The following ATXN7L1 variants were observed in gnomAD, a reference collection of about 807,000 sequenced individuals.
ATXN7L1 encodes ataxin 7 like 1, also known as ataxin-7-like protein 1.
Under a neutral mutation model 70.8 loss-of-function variants are expected in ATXN7L1, and 15 were observed. The ratio of observed to expected loss-of-function variants is 0.21; its 90% CI spans 0.14 to 0.33. The LOEUF (loss-of-function observed/expected upper bound fraction) is 0.33. Among genes scored for constraint, ATXN7L1 ranks in the 10% least tolerant of loss-of-function variants. The probability of loss-of-function intolerance (pLI) is 1.00; values close to 1 mark genes in which losing one functional copy is unlikely to be tolerated. For missense variants in ATXN7L1, 975 were observed against 1,097.1 expected (o/e 0.89, Z 1.57); for synonymous variants, 440 against 445.1 (o/e 0.99, Z 0.14).
In ATXN7L1 at chr7:105,620,284, T is replaced by C; in HGVS notation, c.1433A>G (p.Tyr478Cys). The C allele has an allele frequency of 1.3e-6, 2 of 1,551,446 alleles. No homozygotes were observed. Among genetic ancestry groups the C allele is most frequent in the Non-Finnish European group, 1.7e-6 (2 of 1,146,842 alleles). Residue 478 changes from tyrosine to cysteine, a missense_variant, in exon 9 of 12, where the codon TAC (tyrosine) becomes TGC (cysteine). Tyr to Cys is a radical substitution (Grantham distance 194, BLOSUM62 -2). Around this residue, in one of 5 missense-constraint regions of ATXN7L1, gnomAD observed 635 missense variants for 699.4 expected, o/e 0.91. Coordinates refer to ENST00000419735, the MANE Select transcript of ATXN7L1 (RefSeq NM_020725.2). ...ATCCCATCTTCTATCAAACACATAG[T>C]ACCCTCGTCCCATGAGGCGACTCCC... ...SFGSRLMGRG[Y>C]YVFDRRWDRF...
rs759980226 is a variant in ATXN7L1 at position 105,665,143 on chromosome 7, C to T, written c.501G>A (p.Thr167=). The change falls in exon 4 of 12, where the codon ACG becomes ACA. Residue 167 remains threonine (T), a synonymous_variant. Transcript: ENST00000419735. ...SASSTSKPFK[T]PKDNLLTSSS... ...TGGAGGTAAGTAGATTGTCTTTGGG[C>T]GTTTTGAATGGCTTTGAGGTGCTGC... The T allele has an allele frequency of 2.1e-5, 33 of 1,551,536 alleles. No individual in the cohort carries two copies. The highest frequency in any genetic ancestry group is 3.6e-5 in the South Asian group (3 of 84,064).
At chr7:105,810,235 A>G (rs1808237515) in intron 2 of ATXN7L1, among the ~76,000 whole-genome samples, 1 of 152,204 alleles carries the variant, frequency 6.6e-6, no homozygotes, top group South Asian at 2.1e-4. Context: ...CTACCCTTGT[A>G]TAGTTCAGAG....
At chr7:105,785,137 C>A (rs1804104961) in intron 3 of ATXN7L1, among the ~76,000 whole-genome samples, 1 of 152,220 alleles carries the variant, frequency 6.6e-6, no homozygotes, top group Non-Finnish European at 1.5e-5. Context: ...AACATTAACA[C>A]CCATGTCACA....
At chr7:105,847,676 G>C (rs767297031) in intron 2 of ATXN7L1, among the ~76,000 whole-genome samples, 1 of 152,212 alleles carries the variant, frequency 6.6e-6, no homozygotes, top group Non-Finnish European at 1.5e-5. Context: ...CCACTTATTA[G>C]CTGTGTGATC....
At chr7:105,757,810 A>C (rs1357392228) in intron 3 of ATXN7L1, among the ~76,000 whole-genome samples, 3 of 150,718 alleles carry the variant, frequency 2.0e-5, no homozygotes, top group Non-Finnish European at 4.4e-5. Context: ...GGCTGGTCTC[A>C]AACTCTTGGG....
At chr7:105,788,492 A>G in intron 3 of ATXN7L1, 112 bp downstream of exon 3, 1 of 864,958 alleles carries the variant, frequency 1.2e-6, no homozygotes. Flanking sequence ...CTTTACCCAC[A>G]GCCTCAGGCT....
intron 3 of ATXN7L1, among the ~76,000 whole-genome samples, chr7:105,780,735 A>G (rs1039490638): frequency 6.6e-6 from 1 of 152,100 alleles, no homozygotes; most frequent in African/African-American, 2.4e-5. Flanking sequence ...TTTGAAGTGG[A>G]AAGGACTGCA....
intron 2 of ATXN7L1, among the ~76,000 whole-genome samples, chr7:105,865,683 G>C (rs1040521793): frequency 1.3e-5 from 2 of 152,314 alleles, no homozygotes; most frequent in East Asian, 1.9e-4. Context: ...TTACAGGCGT[G>C]AGCCACTGCA....
In ATXN7L1 at chr7:105,606,299, C is replaced by G. The variant is rs1042336028; in HGVS notation, c.*1553G>C. 4 of 152,180 alleles carry G rather than the reference C, an allele frequency of 2.6e-5. No individual in the cohort carries two copies. Among genetic ancestry groups the G allele is most frequent in the Non-Finnish European group, 5.9e-5 (4 of 68,040 alleles). 9.4% of individuals were successfully genotyped at this position (152,180 alleles called of 1,614,324 possible). A position where few individuals can be genotyped will look rare whatever the true frequency, so the allele number is the denominator to read the frequency against. On this transcript the variant is annotated 3_prime_UTR_variant, in exon 12 of 12. Coordinates refer to ENST00000419735, the MANE Select transcript of ATXN7L1 (RefSeq NM_020725.2). ...TGCAATTCCATTGATGAAAATCACT[C>G]CATTTGCCTCCCGTCTTTGCAATTC...
At chr7:105,632,458 G>C (rs566692690) in intron 7 of ATXN7L1, among the ~76,000 whole-genome samples, 1 of 152,144 alleles carries the variant, frequency 6.6e-6, no homozygotes, top group South Asian at 2.1e-4. Context: ...AGGTAAGAGA[G>C]CTAAAGGTCC....
intron 3 of ATXN7L1, among the ~76,000 whole-genome samples, chr7:105,768,291 G>C (rs763724740): frequency 6.6e-6 from 1 of 152,188 alleles, no homozygotes. Flanking sequence ...CCATTCCATA[G>C]ATGGGCAAAC....
intron 2 of ATXN7L1, among the ~76,000 whole-genome samples, chr7:105,872,452 C>T (rs1585205309): frequency 6.6e-6 from 1 of 152,034 alleles, no homozygotes; most frequent in African/African-American, 2.4e-5. Context: ...GATAACAAAA[C>T]GTAGTATATA....
intron 3 of ATXN7L1, among the ~76,000 whole-genome samples, chr7:105,670,581 A>G (rs960812422): frequency 5.9e-5 from 9 of 152,184 alleles, no homozygotes. Flanking sequence ...TTGCTATTTT[A>G]AACTGTTAGG....
chr7:105,846,613 T>A (rs1404403137), intron 2 of ATXN7L1, among the ~76,000 whole-genome samples: 1 of 152,216 alleles, frequency 6.6e-6, no homozygotes, highest in African/African-American at 2.4e-5. Flanking sequence ...ATTTCACTCC[T>A]AGGTATATAC....
intron 3 of ATXN7L1, among the ~76,000 whole-genome samples, chr7:105,768,714 G>A (rs989103962): frequency 6.6e-6 from 1 of 152,246 alleles, no homozygotes; most frequent in Non-Finnish European, 1.5e-5. Context: ...TTCTGGCCAA[G>A]CAATGAAAGG....
chr7:105,608,164 T>A lies in ATXN7L1; in HGVS notation c.2548-274A>T, dbSNP rs545065869. On this transcript the variant is annotated intron_variant, in intron 11 of 11. Transcript: ENST00000419735. ...CGAATGCCGCGGACATTCCTGGGAG[T>A]CCTCTTTGGGAGAGTGGACAGAATA... 2.6e-5 allele frequency among the ~76,000 whole-genome samples: 4 copies of A among 152,144 alleles called. No homozygotes were observed. In the South Asian group the frequency reaches 8.3e-4, roughly 32 times the overall value.
chr7:105,609,922 C>T (rs1232559219), intron 11 of ATXN7L1, among the ~76,000 whole-genome samples: 1 of 152,162 alleles, frequency 6.6e-6, no homozygotes, highest in Non-Finnish European at 1.5e-5. Flanking sequence ...CAGGAACGCA[C>T]CACCACGCCC....
At chr7:105,692,424 T>TCCTTC in intron 3 of ATXN7L1, among the ~76,000 whole-genome samples, 6 of 88,168 alleles carry the variant, frequency 6.8e-5, no homozygotes, top group African/African-American at 8.8e-5. Context: ...CTTCCTTCCT[T>TCCTTC]CCTCCCTCCC....
At chr7:105,736,411 C>T (rs1226076633) in intron 3 of ATXN7L1, among the ~76,000 whole-genome samples, 1 of 152,210 alleles carries the variant, frequency 6.6e-6, no homozygotes, top group African/African-American at 2.4e-5. Flanking sequence ...TCCTGGCCTT[C>T]TTTTGCAGCA....
Sources: allele counts gnomAD v4.1 joint callset (sites outside exome capture counted in the v4.1 genomes callset), GRCh38; gene constraint gnomAD v4.1.1; regional missense constraint gnomAD v4.1.1; transcripts MANE v1.5; gene names NCBI Gene and HGNC (gene_info 2026-07-23, HGNC 2026-07-21).